ISG20: variants seen among roughly 807,000 people sequenced by gnomAD.
ISG20 encodes interferon-stimulated gene 20 kDa protein.
A neutral mutation model predicts 11.1 loss-of-function variants in ISG20; 8 were observed. The ratio of observed to expected loss-of-function variants is 0.72; its 90% CI spans 0.42 to 1.30. ISG20 has a LOEUF of 1.30. Ranked by LOEUF, ISG20 falls within the 50% of genes most tolerant of loss-of-function variation. ISG20 has a pLI of 0.01. For missense variants in ISG20, 243 were observed against 250.2 expected, an observed-to-expected ratio of 0.97 and a Z score of 0.19; for synonymous variants, 110 against 101.7, an observed-to-expected ratio of 1.08 and a Z score of -0.49.
At position 88,652,206 on chromosome 15, in the gene ISG20, G is replaced by C; in HGVS notation, c.325G>C (p.Asp109His). 5 of 1,614,002 alleles carry C rather than the reference G, an allele frequency of 3.1e-6. No individual in the cohort carries two copies. The highest frequency in any genetic ancestry group is 3.4e-6 in the Non-Finnish European group (4 of 1,179,966). ...GGACATGAGCGGCTACACAATCTACGACACGTCCACTGACAGGCTGTTGTG... is the reference window on the plus strand; with the variant it reads ...GGACATGAGCGGCTACACAATCTACCACACGTCCACTGACAGGCTGTTGTG... ...KEDMSGYTIY[D>H]TSTDRLLWRE... Residue 109 changes from aspartate to histidine, a missense_variant, in exon 3 of 4, where the codon GAC becomes CAC. Coordinates refer to ENST00000306072, the MANE Select transcript of ISG20 (RefSeq NM_002201.6).
chr15:88,641,453 C>T (rs1434017352), intron 2 of ISG20, among the ~76,000 whole-genome samples: 2 of 152,108 alleles, frequency 1.3e-5, no homozygotes, highest in South Asian at 2.1e-4. Context: ...ATCCAGGTGT[C>T]GCCCAGGTTG....
In ISG20 at chr15:88,652,174, T is replaced by C. The variant is rs2058283942; in HGVS notation, c.293T>C (p.Leu98Pro). Residue 98 changes from leucine (L) to proline (P), a missense_variant, in exon 3 of 4, where the codon CTG (leucine) becomes CCG (proline). Physicochemically the swap from Leu to Pro is moderately conservative, Grantham distance 98. Transcript: ENST00000306072. The part of the protein sequence containing the change: ...GHDLKHDFQA[L>P]KEDMSGYTIY... Reference sequence around the variant, plus strand: ...GACCTGAAGCACGACTTCCAGGCACTGAAAGAGGACATGAGCGGCTACACA... The same window carrying C: ...GACCTGAAGCACGACTTCCAGGCACCGAAAGAGGACATGAGCGGCTACACA... 3.7e-6 allele frequency: 6 copies of C among 1,614,048 alleles called. No homozygotes were observed. The highest frequency in any genetic ancestry group is 5.1e-6 in the Non-Finnish European group (6 of 1,179,974).
rs576103449 is a variant in ISG20, at chr15:88,640,147, C to G, written c.228+553C>G. ...GCTGATTGTGAGGTCATCTCCCCGT[C>G]TCACTTTCTGTTTCTCTGAATTACT... On this transcript the variant is annotated intron_variant, in intron 2 of 3. Transcript: ENST00000306072. Among the ~76,000 whole-genome samples, 133 of 152,328 alleles carry G rather than the reference C, an allele frequency of 8.7e-4. 1 individual carries two copies. Among genetic ancestry groups the G allele is most frequent in the Non-Finnish European group, 1.3e-3 (90 of 68,030 alleles).
At chr15:88,653,664 C>A (rs772083586) in intron 3 of ISG20, among the ~76,000 whole-genome samples, 37 of 152,276 alleles carry the variant, frequency 2.4e-4, no homozygotes, top group Non-Finnish European at 5.0e-4. Flanking sequence ...CTCAGTACCC[C>A]ACCAGGCAGC....
Position 88,639,311 on chromosome 15 carries a change from C to A in ISG20, c.-24-32C>A. ...CACCTGGAGGCTTGGTTTGCCCAAG[C>A]GTGAGACCGCCCCCCATACCCCTCT... On this transcript the variant is annotated intron_variant, in intron 1 of 3. Transcript: ENST00000306072. The surrounding 1 kb of genome is among the most constrained non-coding windows in gnomAD (Gnocchi z 4.2). 2 of 1,400,930 alleles carry A rather than the reference C, an allele frequency of 1.4e-6. No individual in the cohort carries two copies. The highest frequency in any genetic ancestry group is 2.0e-6 in the Non-Finnish European group (2 of 1,022,516). 86.8% of individuals were successfully genotyped at this position (1,400,930 alleles called of 1,614,324 possible).
At chr15:88,644,543 A>G (rs1366258229) in intron 2 of ISG20, among the ~76,000 whole-genome samples, 6 of 141,658 alleles carry the variant, frequency 4.2e-5, no homozygotes, top group South Asian at 2.5e-4. Flanking sequence ...AAAAAAAAAA[A>G]AAAAGAAAAG....
Position 88,643,635 on chromosome 15 carries a change from C to T in ISG20, c.228+4041C>T, listed in dbSNP as rs1294133242. Among the ~76,000 whole-genome samples, 16 of 152,094 alleles carry T rather than the reference C, an allele frequency of 1.1e-4. No homozygotes were observed. Among genetic ancestry groups the T allele is most frequent in the African/African-American group, 4.8e-5 (2 of 41,396 alleles). On this transcript the variant is annotated intron_variant, in intron 2 of 3. Coordinates refer to ENST00000306072, the MANE Select transcript of ISG20 (RefSeq NM_002201.6). This position sits in a 1 kb window ranked among gnomAD's most constrained non-coding sequence, Gnocchi z 4.4. Reference sequence around the variant, plus strand: ...AGGAGAATCGCTTAAACCCAGGAGGCGGAAGTTGCAGTGAGCCAAGATCGT... The same window carrying T: ...AGGAGAATCGCTTAAACCCAGGAGGTGGAAGTTGCAGTGAGCCAAGATCGT...
chr15:88,640,998 A>AT (rs1382414793), intron 2 of ISG20, among the ~76,000 whole-genome samples: 3 of 149,748 alleles, frequency 2.0e-5, no homozygotes, highest in African/African-American at 7.5e-5. Context: ...CTGTTTTATT[A>AT]TTATTTTTTT....
At position 88,639,028 on chromosome 15, in the gene ISG20, C is replaced by T. The variant is rs2058031710; in HGVS notation, c.-73C>T. ...GCTGAGAGCAGCTGCAGTAGCTGAG[C>T]AGTGGCAGCAGAGAGGCAGACGTGA... On this transcript the variant is annotated 5_prime_UTR_variant, in exon 1 of 4. Coordinates refer to ENST00000306072, the MANE Select transcript of ISG20 (RefSeq NM_002201.6). The surrounding 1 kb of genome is among the most constrained non-coding windows in gnomAD (Gnocchi z 4.2). 2 of 410,720 alleles carry T rather than the reference C, an allele frequency of 4.9e-6. No individual in the cohort carries two copies. The highest frequency in any genetic ancestry group is 4.4e-5 in the East Asian group (1 of 22,620). 25.4% of individuals were successfully genotyped at this position (410,720 alleles called of 1,614,324 possible).
chr15:88,641,861 G>A (rs1411086344), intron 2 of ISG20, among the ~76,000 whole-genome samples: 7 of 150,398 alleles, frequency 4.7e-5, no homozygotes, highest in Admixed American at 1.3e-4. Flanking sequence ...CAAGCGATCC[G>A]CCTGCCTTGG....
chr15:88,651,207 A>T, intron 2 of ISG20: 2 of 985,452 alleles, frequency 2.0e-6, no homozygotes, highest in South Asian at 9.4e-5. Flanking sequence ...TAAAATCATC[A>T]GAGTAAGCCT....
chr15:88,641,454 GC>G (rs1178153921), intron 2 of ISG20, among the ~76,000 whole-genome samples: 3 of 152,070 alleles, frequency 2.0e-5, no homozygotes, highest in African/African-American at 7.2e-5. Flanking sequence ...TCCAGGTGTC[GC>G]CCAGGTTGGT....
At position 88,639,327 on chromosome 15, in the gene ISG20, A is replaced by T. The variant is rs1017593700; in HGVS notation, c.-24-16A>T. The T allele has an allele frequency of 6.6e-7, 1 of 1,517,112 alleles. No individual in the cohort carries two copies. The highest frequency in any genetic ancestry group is 9.0e-7 in the Non-Finnish European group (1 of 1,110,558). 94.0% of individuals were successfully genotyped at this position (1,517,112 alleles called of 1,614,324 possible). ...TTGCCCAAGCGTGAGACCGCCCCCC[A>T]TACCCCTCTCTCCAGCATCTCTGAG... On this transcript the variant is annotated splice_polypyrimidine_tract_variant and intron_variant, in intron 1 of 3. Transcript: ENST00000306072. This position sits in a 1 kb window ranked among gnomAD's most constrained non-coding sequence, Gnocchi z 4.2.
chr15:88,647,238 C>G (rs1325697517), intron 2 of ISG20: 2 of 152,056 alleles, frequency 1.3e-5, no homozygotes, highest in South Asian at 4.2e-4. Flanking sequence ...GAGTGGGACC[C>G]CCCCCCCACT....
At chr15:88,638,813 C>T (rs2058026946), upstream of ISG20, 1 of 157,622 alleles carries the variant, frequency 6.3e-6, no homozygotes, top group South Asian at 1.6e-4. Flanking sequence ...GGCACCCTGA[C>T]ATGGAGCCTG....
chr15:88,644,912 C>T (rs2058145105), intron 2 of ISG20, among the ~76,000 whole-genome samples: 1 of 152,230 alleles, frequency 6.6e-6, no homozygotes, highest in Non-Finnish European at 1.5e-5. Context: ...TCTCCGAGTC[C>T]CTGTACATCC....
intron 2 of ISG20, among the ~76,000 whole-genome samples, chr15:88,640,865 G>C (rs1394384309): frequency 6.6e-6 from 1 of 151,792 alleles, no homozygotes; most frequent in East Asian, 1.9e-4. Context: ...TACTCCAGCA[G>C]CTGGGATCAC....
Position 88,656,174 on chromosome 15 carries a change from C to G in ISG20, c.*643C>G, listed in dbSNP as rs1299578829. The G allele has an allele frequency of 6.6e-6, 1 of 152,266 alleles. No individual in the cohort carries two copies. The highest frequency in any genetic ancestry group is 1.5e-5 in the Non-Finnish European group (1 of 68,108). 9.4% of individuals were successfully genotyped at this position (152,266 alleles called of 1,614,324 possible). A position where few individuals can be genotyped will look rare whatever the true frequency, so the allele number is the denominator to read the frequency against. On this transcript the variant is annotated 3_prime_UTR_variant, in exon 4 of 4. Coordinates refer to ENST00000306072, the MANE Select transcript of ISG20 (RefSeq NM_002201.6). ...TCCATCTGTAAAATGAGAATTCTAG[C>G]AACTCGTAGGGTATTTGTGAGATGT...
At chr15:88,653,604 C>T (rs908977056) in intron 3 of ISG20, among the ~76,000 whole-genome samples, 1 of 152,062 alleles carries the variant, frequency 6.6e-6, no homozygotes, top group Non-Finnish European at 1.5e-5. Flanking sequence ...GACCCAGGGC[C>T]TTCTCCCAGG....
Sources: allele counts gnomAD v4.1 joint callset (sites outside exome capture counted in the v4.1 genomes callset), GRCh38; gene constraint gnomAD v4.1.1; non-coding constraint Gnocchi (gnomAD v3.1); transcripts MANE v1.5; gene names NCBI Gene and HGNC (gene_info 2026-07-23, HGNC 2026-07-21).